Variants in UPP2 observed in about 807,000 individuals in gnomAD.
The protein encoded by UPP2 is UPase 2.
Under a neutral mutation model 26.7 loss-of-function variants are expected in UPP2, and 23 were observed. The observed-to-expected ratio is 0.86, with a 90% confidence interval of 0.62 to 1.22. The LOEUF (loss-of-function observed/expected upper bound fraction) is 1.22. Ranked by LOEUF, UPP2 falls within the 50% of genes most tolerant of loss-of-function variation. The pLI is 0.00. For missense variants in UPP2, 387 were observed against 396.7 expected (o/e 0.98, Z 0.21); for synonymous variants, 127 against 141.3 (o/e 0.90, Z 0.72).
intron 6 of UPP2, among the ~76,000 whole-genome samples, chr2:158,128,700 C>T (rs546704988): frequency 2.0e-5 from 3 of 152,254 alleles, no homozygotes; most frequent in Non-Finnish European, 4.4e-5. Flanking sequence ...CAGCAGCCTC[C>T]GTGTGGACAC....
At chr2:158,093,311 GA>G (rs144798559) in intron 3 of UPP2, among the ~76,000 whole-genome samples, 3,370 of 136,600 alleles carry the variant, frequency 0.025, 109 homozygotes, top group African/African-American at 0.087. Context: ...CACACAATTA[GA>G]AAAAAAATAA....
intron 6 of UPP2, 101 bp downstream of exon 6, chr2:158,123,996 G>A: frequency 7.5e-7 from 1 of 1,324,758 alleles, no homozygotes; most frequent in Non-Finnish European, 1.0e-6. Context: ...TATTACCTTG[G>A]GCTGAAGGCA....
chr2:158,033,124 T>C (rs1683948712), intron 3 of UPP2, among the ~76,000 whole-genome samples: 1 of 152,124 alleles, frequency 6.6e-6, no homozygotes, highest in African/African-American at 2.4e-5. Context: ...TTCAGAGCTC[T>C]ACCTAAATTC....
intron 3 of UPP2, among the ~76,000 whole-genome samples, chr2:158,045,652 C>T (rs1413188427): frequency 1.3e-5 from 2 of 152,130 alleles, no homozygotes; most frequent in South Asian, 4.1e-4. Flanking sequence ...GCTTTTGGTG[C>T]TCCAGTGATG....
At chr2:158,049,193 A>C (rs551622659) in intron 3 of UPP2, among the ~76,000 whole-genome samples, 1 of 152,210 alleles carries the variant, frequency 6.6e-6, no homozygotes, top group Non-Finnish European at 1.5e-5. Context: ...TAACTTCTCC[A>C]GATAGAGACA....
rs189418372 is a variant in UPP2 at position 158,083,705 on chromosome 2, T to G, written c.148-18335T>G. ...TGTATCCCAGAACTTAAAGTATAAT[T>G]AAAAAAAAATATAATTGTCTCCAAT... is the stretch of plus-strand genomic sequence containing the variant. On this transcript the variant is annotated intron_variant, in intron 3 of 9. Transcript: ENST00000605860. 3.7e-3 allele frequency among the ~76,000 whole-genome samples: 551 copies of G among 149,906 alleles called. 5 individuals are homozygous for G. Among genetic ancestry groups the G allele is most frequent in the African/African-American group, 0.013 (534 of 40,838 alleles).
chr2:158,014,906 G>T (rs1683636052), intron 2 of UPP2, among the ~76,000 whole-genome samples: 1 of 152,130 alleles, frequency 6.6e-6, no homozygotes, highest in Non-Finnish European at 1.5e-5. Context: ...ATTCTATGGT[G>T]ATAGATTATT....
intron 3 of UPP2, among the ~76,000 whole-genome samples, chr2:158,049,156 A>T (rs1445691164): frequency 6.6e-6 from 1 of 152,196 alleles, no homozygotes; most frequent in East Asian, 1.9e-4. Flanking sequence ...TGGGTTCTAA[A>T]ATAATGGTTG....
intron 3 of UPP2, among the ~76,000 whole-genome samples, chr2:158,061,453 T>C (rs1478933698): frequency 6.6e-6 from 1 of 152,202 alleles, no homozygotes; most frequent in Non-Finnish European, 1.5e-5. Context: ...TTTACATACA[T>C]TTGAGAAAAC....
chr2:158,033,852 G>A (rs960422795), intron 3 of UPP2, among the ~76,000 whole-genome samples: 1 of 152,230 alleles, frequency 6.6e-6, no homozygotes, highest in African/African-American at 2.4e-5. Context: ...AATGAAATTA[G>A]TTTATTTGCT....
At chr2:158,012,378 C>T (rs1190475456) in intron 2 of UPP2, among the ~76,000 whole-genome samples, 2 of 148,950 alleles carry the variant, frequency 1.3e-5, no homozygotes, top group East Asian at 4.1e-4. Context: ...AGTGATTCTC[C>T]TGCCTCAGCT....
At chr2:158,021,957 A>C (rs1683758441) in intron 3 of UPP2, among the ~76,000 whole-genome samples, 1 of 152,324 alleles carries the variant, frequency 6.6e-6, no homozygotes, top group Non-Finnish European at 1.5e-5. Context: ...TCTCAAAAAC[A>C]TCATGGAATC....
chr2:157,999,220 C>A (rs1683368190), intron 2 of UPP2, among the ~76,000 whole-genome samples: 1 of 151,970 alleles, frequency 6.6e-6, no homozygotes, highest in Non-Finnish European at 1.5e-5. Context: ...ACTCTGTTGC[C>A]CAGGCTGGAG....
At chr2:158,110,282 G>A (rs1242095582) in intron 2 of UPP2, among the ~76,000 whole-genome samples, 1 of 152,102 alleles carries the variant, frequency 6.6e-6, no homozygotes, top group African/African-American at 2.4e-5. Context: ...GTGATAGTTT[G>A]CTGAGAATGA....
intron 3 of UPP2, among the ~76,000 whole-genome samples, chr2:158,078,824 T>C (rs977796899): frequency 6.6e-6 from 1 of 152,126 alleles, no homozygotes; most frequent in Admixed American, 6.5e-5. Flanking sequence ...AGGGGATGGA[T>C]ACCCCGTTTA....
intron 6 of UPP2, among the ~76,000 whole-genome samples, chr2:158,127,296 A>G (rs1385519987): frequency 2.0e-5 from 3 of 152,218 alleles, no homozygotes; most frequent in African/African-American, 7.2e-5. Context: ...TTATATGTTA[A>G]CTTATATATT....
At chr2:158,066,019 T>C (rs1682428950) in intron 3 of UPP2, 1 of 343,458 alleles carries the variant, frequency 2.9e-6, no homozygotes, top group Non-Finnish European at 5.4e-6. Flanking sequence ...AAGATGTGGC[T>C]GCACTTCAAA....
chr2:158,066,801 G>A (rs1558919855), intron 3 of UPP2, among the ~76,000 whole-genome samples: 1 of 152,054 alleles, frequency 6.6e-6, no homozygotes, highest in African/African-American at 2.4e-5. Context: ...TTTGCAATCT[G>A]AGGTGCAACT....
At chr2:158,102,492 AG>A (rs911486511) in intron 1 of UPP2, among the ~76,000 whole-genome samples, 20 of 152,206 alleles carry the variant, frequency 1.3e-4, no homozygotes, top group African/African-American at 4.1e-4. Flanking sequence ...AATAATTAAA[AG>A]GGCCTCCCAG....
Sources: gnomAD v4.1 joint callset for allele counts (sites outside exome capture counted in the v4.1 genomes callset) on GRCh38, gnomAD v4.1.1 for gene constraint, MANE v1.5 for transcripts, NCBI Gene and HGNC (gene_info 2026-07-23, HGNC 2026-07-21) for gene names.